CFH: variants seen among roughly 807,000 people sequenced by gnomAD.
The protein encoded by CFH is H factor 1 (complement).
Under a neutral mutation model 147.3 loss-of-function variants are expected in CFH, and 53 were observed. That is an observed-to-expected ratio of 0.36 (90% confidence interval 0.29 to 0.45). The LOEUF is 0.45. CFH is among the 20% of genes least tolerant of loss of function. The probability of loss-of-function intolerance (pLI) is 1.00; values close to 1 mark genes in which losing one functional copy is unlikely to be tolerated. For missense variants in CFH, 1,380 were observed against 1,498.0 expected (o/e 0.92, Z 1.30); for synonymous variants, 536 against 489.4 (o/e 1.10, Z -1.26).
chr1:196,677,134 G>A lies in CFH; in HGVS notation c.428-342G>A, dbSNP rs954009272. ...CTTTTACATCTTTTAGGAACACAGT[G>A]TTATATTATTCTAGGGCATAAATGA... On this transcript the variant is annotated intron_variant, in intron 4 of 21. Coordinates refer to ENST00000367429, the MANE Select transcript of CFH (RefSeq NM_000186.4). The A allele has an allele frequency of 1.4e-5, 3 of 210,486 alleles. No homozygotes were observed. In the Admixed American group the frequency reaches 1.6e-4, roughly 11 times the overall value. 13.0% of individuals were successfully genotyped at this position (210,486 alleles called of 1,614,324 possible).
intron 14 of CFH, among the ~76,000 whole-genome samples, chr1:196,727,249 C>G (rs1377394425): frequency 2.0e-5 from 3 of 152,088 alleles, no homozygotes; most frequent in African/African-American, 7.2e-5. Flanking sequence ...CGCCTATAAC[C>G]TCAACACTTC....
chr1:196,735,876 A>G (rs939916584), intron 15 of CFH, among the ~76,000 whole-genome samples: 1 of 152,038 alleles, frequency 6.6e-6, no homozygotes, highest in Non-Finnish European at 1.5e-5. Flanking sequence ...TGTTCATCCA[A>G]ACGTCTCCCT....
At chr1:196,673,295 T>A in intron 2 of CFH, 132 bp downstream of exon 2, 1 of 929,166 alleles carries the variant, frequency 1.1e-6, no homozygotes, top group Non-Finnish European at 1.6e-6. Flanking sequence ...TAATCTTTTT[T>A]TTTTGTTTTG....
chr1:196,714,666 TATAGAGAGAGAGAGAG>T (rs1376174396), intron 10 of CFH, among the ~76,000 whole-genome samples: 26 of 28,338 alleles, frequency 9.2e-4, no homozygotes, highest in East Asian at 5.6e-3. Flanking sequence ...TATATATATA[TATAGAGAGAGAGAGAG>T]AGAGAGAGAG....
chr1:196,654,225 T>C (rs1372894750), intron 1 of CFH, among the ~76,000 whole-genome samples: 5 of 152,166 alleles, frequency 3.3e-5, no homozygotes, highest in Admixed American at 1.3e-4. Context: ...CATAACATTT[T>C]AGCATTACTT....
At chr1:196,741,622 T>C (rs1204128416) in intron 18 of CFH, 3 of 452,748 alleles carry the variant, frequency 6.6e-6, no homozygotes, top group Non-Finnish European at 1.2e-5. Flanking sequence ...CAAAAAAATG[T>C]GTAATCTCAA....
chr1:196,658,398 G>A (rs975282363), intron 1 of CFH, among the ~76,000 whole-genome samples: 17 of 111,636 alleles, frequency 1.5e-4, no homozygotes, highest in Non-Finnish European at 2.8e-4. Flanking sequence ...CAGCCACCTT[G>A]CTCAGGTAAT....
intron 9 of CFH, among the ~76,000 whole-genome samples, chr1:196,708,694 A>T (rs2149099729): frequency 6.6e-6 from 1 of 152,218 alleles, no homozygotes; most frequent in South Asian, 2.1e-4. Context: ...GCATAGGATC[A>T]GACCCTCCTC....
chr1:196,712,738 G>C (rs542086370), intron 9 of CFH, among the ~76,000 whole-genome samples: 1 of 149,398 alleles, frequency 6.7e-6, no homozygotes, highest in Non-Finnish European at 1.5e-5. Flanking sequence ...TTAGCATTAC[G>C]TATATCTCCT....
intron 15 of CFH, among the ~76,000 whole-genome samples, chr1:196,732,382 T>C (rs1218229148): frequency 1.3e-5 from 2 of 152,082 alleles, no homozygotes; most frequent in African/African-American, 4.8e-5. Context: ...AGTTAATTTG[T>C]TTTTGCATTG....
chr1:196,741,444 C>G, intron 18 of CFH: 1 of 219,302 alleles, frequency 4.6e-6, no homozygotes, highest in Non-Finnish European at 9.2e-6. Flanking sequence ...CTTGTGAGAA[C>G]TCACTCACCA....
chr1:196,737,387 C>T (rs1669431742), intron 16 of CFH, 88 bp from the exon 17 acceptor site: 2 of 968,652 alleles, frequency 2.1e-6, no homozygotes, highest in Admixed American at 2.1e-5. Context: ...ATTATACTCA[C>T]TTTAAAATCC....
rs780966432 is a variant in CFH at position 196,685,227 on chromosome 1, G to A, written c.954G>A (p.Pro318=). The change falls in exon 7 of 22, where the codon CCG becomes CCA. Residue 318 remains proline (P), a synonymous_variant. Coordinates refer to ENST00000367429, the MANE Select transcript of CFH (RefSeq NM_000186.4). ...CAAGTACTGGCTGGATACCTGCTCC[G>A]AGATGTACCTGTAAGTTCCATTCAT... The part of the protein sequence containing the change: ...KCTSTGWIPA[P]RCTLKPCDYP... 10 of 1,612,584 alleles carry A rather than the reference G, an allele frequency of 6.2e-6. No homozygotes were observed. The highest frequency in any genetic ancestry group is 1.3e-5 in the African/African-American group (1 of 74,794).
chr1:196,696,969 T>A (rs147298836), intron 9 of CFH, among the ~76,000 whole-genome samples: 3 of 152,218 alleles, frequency 2.0e-5, no homozygotes, highest in Non-Finnish European at 4.4e-5. Flanking sequence ...AAGCTGAAAC[T>A]GGATCCCTTC....
chr1:196,742,375 CAAAA>C (rs1376821416), intron 19 of CFH, among the ~76,000 whole-genome samples: 1 of 151,614 alleles, frequency 6.6e-6, no homozygotes, highest in African/African-American at 2.4e-5. Flanking sequence ...GATTCCGTCT[CAAAA>C]AAATAAATAA....
At chr1:196,735,095 G>A (rs951501666) in intron 15 of CFH, among the ~76,000 whole-genome samples, 5 of 151,918 alleles carry the variant, frequency 3.3e-5, no homozygotes, top group Non-Finnish European at 7.4e-5. Flanking sequence ...TGTTACACAC[G>A]TGTGTGTGTG....
intron 1 of CFH, among the ~76,000 whole-genome samples, chr1:196,658,013 A>C (rs1355560427): frequency 3.3e-5 from 5 of 152,146 alleles, no homozygotes; most frequent in Admixed American, 2.0e-4. Context: ...GTATGTCAAT[A>C]ATAAGTAATT....
intron 18 of CFH, 54 bp downstream of exon 18, chr1:196,740,846 G>A: frequency 1.3e-6 from 2 of 1,544,420 alleles, no homozygotes; most frequent in Non-Finnish European, 1.8e-6. Context: ...CATTCAAAGT[G>A]TAAGTGGTAC....
At chr1:196,706,469 C>G (rs1043897364) in intron 9 of CFH, among the ~76,000 whole-genome samples, 5 of 151,760 alleles carry the variant, frequency 3.3e-5, no homozygotes, top group Non-Finnish European at 7.4e-5. Context: ...ATGCCCAAAG[C>G]CTTCCTAATG....
Sources: gnomAD v4.1 joint callset for allele counts (sites outside exome capture counted in the v4.1 genomes callset) on GRCh38, gnomAD v4.1.1 for gene constraint, MANE v1.5 for transcripts, NCBI Gene and HGNC (gene_info 2026-07-23, HGNC 2026-07-21) for gene names.